The following DNAJB6 variants were observed in gnomAD, a reference collection of about 807,000 sequenced individuals.
DNAJB6 encodes the protein dnaJ homolog subfamily B member 6.
DNAJB6 carries 16 observed loss-of-function variants against 42.7 expected under a neutral mutation model. That is an observed-to-expected ratio of 0.37 (90% CI 0.25 to 0.57). The LOEUF (loss-of-function observed/expected upper bound fraction) is 0.57. Among genes scored for constraint, DNAJB6 ranks in the 20% least tolerant of loss-of-function variants. The pLI is 0.74. For synonymous variants in DNAJB6, 170 were observed against 163.5 expected (o/e 1.04, Z -0.30); for missense variants, 347 against 416.8 (o/e 0.83, Z 1.46).
chr7:157,348,053 C>T (rs919536403), intron 1 of DNAJB6, among the ~76,000 whole-genome samples: 5 of 151,808 alleles, frequency 3.3e-5, no homozygotes, highest in Admixed American at 3.3e-4. Flanking sequence ...ACCTCAGCCT[C>T]CCAAAGTGCT....
chr7:157,347,004 C>T (rs1013939882), intron 1 of DNAJB6, among the ~76,000 whole-genome samples: 2 of 152,150 alleles, frequency 1.3e-5, no homozygotes, highest in African/African-American at 4.8e-5. Flanking sequence ...TACAGGCGCC[C>T]GCCACCACGC....
At chr7:157,344,282 A>G (rs184521674) in intron 1 of DNAJB6, among the ~76,000 whole-genome samples, 157 of 152,136 alleles carry the variant, frequency 1.0e-3, no homozygotes, top group Non-Finnish European at 1.8e-3. Flanking sequence ...CGGAGCTTGC[A>G]GTGAGCCGAG....
intron 6 of DNAJB6, among the ~76,000 whole-genome samples, chr7:157,383,226 T>C (rs1800876620): frequency 6.6e-6 from 1 of 152,032 alleles, no homozygotes; most frequent in Non-Finnish European, 1.5e-5. Flanking sequence ...CAGGCTGGTG[T>C]TGAACTGACC....
chr7:157,395,298 C>G (rs907066281), intron 8 of DNAJB6, among the ~76,000 whole-genome samples: 2 of 152,218 alleles, frequency 1.3e-5, no homozygotes, highest in Non-Finnish European at 2.9e-5. Context: ...GAATGAAAAG[C>G]TCTAACATGA....
At chr7:157,339,364 C>G (rs1245595827) in intron 1 of DNAJB6, among the ~76,000 whole-genome samples, 1 of 134,490 alleles carries the variant, frequency 7.4e-6, no homozygotes, top group African/African-American at 2.7e-5. Context: ...GTGGCGCGAT[C>G]TCGGCTCACT....
At chr7:157,392,585 C>T (rs528679076) in intron 8 of DNAJB6, among the ~76,000 whole-genome samples, 11 of 152,282 alleles carry the variant, frequency 7.2e-5, no homozygotes, top group African/African-American at 2.4e-4. Flanking sequence ...GCCGGACTCT[C>T]GTCCTGTCTG....
At chr7:157,388,334 G>A (rs1801177778) in intron 8 of DNAJB6, among the ~76,000 whole-genome samples, 1 of 152,232 alleles carries the variant, frequency 6.6e-6, no homozygotes, top group South Asian at 2.1e-4. Context: ...GGAAATGGCT[G>A]TGAGCATTGA....
At position 157,384,800 on chromosome 7, in the gene DNAJB6, A is replaced by G. The variant is rs1014088260; in HGVS notation, c.479-67A>G. On this transcript the variant is annotated intron_variant, in intron 6 of 9. Transcript: ENST00000262177. ...TAAATATTCTGCTACTGAACTTTCA[A>G]ACTCTTGTCTTTGCATTACTAGTTG... 1.6e-5 allele frequency: 24 copies of G among 1,509,152 alleles called. No homozygotes were observed. In the South Asian group the frequency reaches 2.6e-4, roughly 16 times the overall value. The allele number at this position is 1,509,152 out of a possible 1,614,324, so 93.5% of individuals were successfully genotyped here.
At chr7:157,391,771 GA>G (rs1175793210) in intron 8 of DNAJB6, among the ~76,000 whole-genome samples, 2 of 152,172 alleles carry the variant, frequency 1.3e-5, no homozygotes, top group Non-Finnish European at 2.9e-5. Context: ...TAGGTACCTA[GA>G]AGTTGAGTAA....
intron 8 of DNAJB6, among the ~76,000 whole-genome samples, chr7:157,392,355 G>A (rs1016671246): frequency 4.1e-5 from 6 of 146,848 alleles, no homozygotes; most frequent in African/African-American, 1.5e-4. Flanking sequence ...TGTGTTGAAA[G>A]TGGGTTTTTT....
At chr7:157,344,689 A>G (rs996298329) in intron 1 of DNAJB6, among the ~76,000 whole-genome samples, 13 of 152,088 alleles carry the variant, frequency 8.5e-5, no homozygotes, top group African/African-American at 3.1e-4. Context: ...TTCACGTCTC[A>G]CTAGCATCGA....
At chr7:157,386,680 T>C (rs907324285) in intron 8 of DNAJB6, among the ~76,000 whole-genome samples, 1 of 152,162 alleles carries the variant, frequency 6.6e-6, no homozygotes, top group South Asian at 2.1e-4. Context: ...GTCAGGAGTT[T>C]GAGACCAGCC....
intron 6 of DNAJB6, among the ~76,000 whole-genome samples, chr7:157,383,449 A>C (rs571508238): frequency 6.6e-6 from 1 of 152,306 alleles, no homozygotes; most frequent in East Asian, 1.9e-4. Context: ...CTAGGTAAGT[A>C]GTGAATTCTG....
chr7:157,363,790 A>G (rs1036939962), intron 3 of DNAJB6, among the ~76,000 whole-genome samples: 7 of 152,136 alleles, frequency 4.6e-5, no homozygotes, highest in African/African-American at 1.4e-4. Context: ...GAGGTGTTCT[A>G]TGTTACTGGA....
chr7:157,396,210 A>T (rs1157484982), intron 8 of DNAJB6, among the ~76,000 whole-genome samples: 1 of 152,050 alleles, frequency 6.6e-6, no homozygotes, highest in Non-Finnish European at 1.5e-5. Flanking sequence ...CAGCCTCCCA[A>T]AGTGCTGGGA....
At chr7:157,366,368 G>T in intron 3 of DNAJB6, 134 bp from the exon 4 acceptor site, 1 of 726,816 alleles carries the variant, frequency 1.4e-6, no homozygotes, top group East Asian at 2.8e-5. Context: ...TTGTTTTAAA[G>T]AAAAGGTGGC....
At chr7:157,348,993 A>G (rs918486136) in intron 1 of DNAJB6, among the ~76,000 whole-genome samples, 4 of 151,984 alleles carry the variant, frequency 2.6e-5, no homozygotes, top group Non-Finnish European at 5.9e-5. Context: ...TCCTTTCCTC[A>G]TGGTCTCTAT....
chr7:157,359,062 AG>A (rs2116951451), intron 2 of DNAJB6, among the ~76,000 whole-genome samples: 1 of 152,312 alleles, frequency 6.6e-6, no homozygotes, highest in South Asian at 2.1e-4. Flanking sequence ...CGAGAACTGC[AG>A]CGCTGCCTGT....
chr7:157,416,404 C>T lies in DNAJB6; in HGVS notation c.*306C>T, dbSNP rs576133569. ...ATTCTTTTCGGCTACTCAACCACTCCGCATGCTGCTGGAATATTTCTGGCT... is the reference window on the plus strand; with the variant it reads ...ATTCTTTTCGGCTACTCAACCACTCTGCATGCTGCTGGAATATTTCTGGCT... On this transcript the variant is annotated 3_prime_UTR_variant, in exon 10 of 10. Transcript: ENST00000262177. 116 of 352,984 alleles carry T rather than the reference C, an allele frequency of 3.3e-4. 1 individual carries two copies. Among genetic ancestry groups the T allele is most frequent in the African/African-American group, 1.0e-3 (50 of 48,756 alleles). The allele number at this position is 352,984 out of a possible 1,614,324, so 21.9% of individuals were successfully genotyped here.
Sources: gnomAD v4.1 joint callset for allele counts (sites outside exome capture counted in the v4.1 genomes callset) on GRCh38, gnomAD v4.1.1 for gene constraint, MANE v1.5 for transcripts, NCBI Gene and HGNC (gene_info 2026-07-23, HGNC 2026-07-21) for gene names.